ARB2A: variants seen among roughly 807,000 people sequenced by gnomAD.
ARB2A encodes ARB2 cotranscriptional regulator A, also known as cotranscriptional regulator ARB2A.
chr5:93,941,868 T>G, the ARB2A span, among the ~76,000 whole-genome samples: 1 of 152,126 alleles, frequency 6.6e-6, no homozygotes, highest in Non-Finnish European at 1.5e-5. Context: ...AATATCAAAG[T>G]GCTCTATACT....
the ARB2A span, among the ~76,000 whole-genome samples, chr5:94,022,069 AAAT>A: frequency 6.6e-6 from 1 of 152,142 alleles, no homozygotes; most frequent in Non-Finnish European, 1.5e-5. Context: ...ACTCTGTCGC[AAAT>A]AATAATAACA....
At chr5:93,961,911 C>A in the ARB2A span, among the ~76,000 whole-genome samples, 1 of 152,082 alleles carries the variant, frequency 6.6e-6, no homozygotes. Context: ...AGTATTTTAG[C>A]TGGTCATTGG....
At chr5:93,769,986 ATAAAG>A in the ARB2A span, among the ~76,000 whole-genome samples, 1 of 152,220 alleles carries the variant, frequency 6.6e-6, no homozygotes, top group Admixed American at 6.5e-5. Context: ...ATCAAGTATG[ATAAAG>A]TAATTTAATA....
the ARB2A span, among the ~76,000 whole-genome samples, chr5:94,099,642 A>C: frequency 4.0e-5 from 6 of 150,656 alleles, no homozygotes; most frequent in African/African-American, 9.8e-5. Context: ...AAAAAAAAAA[A>C]AAAAAAAAAC....
chr5:93,873,875 C>A, the ARB2A span, among the ~76,000 whole-genome samples: 121,488 of 152,088 alleles, frequency 0.8, 49,117 homozygotes, highest in East Asian at 0.95. Flanking sequence ...AGAAACTGAA[C>A]ATGCTCAGCT....
the ARB2A span, among the ~76,000 whole-genome samples, chr5:94,015,876 A>C: frequency 2.0e-5 from 3 of 152,206 alleles, no homozygotes; most frequent in African/African-American, 7.2e-5. Context: ...TAAGTAAAGA[A>C]AAAAGCAAGA....
At chr5:94,002,083 A>T in the ARB2A span, among the ~76,000 whole-genome samples, 14 of 151,940 alleles carry the variant, frequency 9.2e-5, no homozygotes, top group African/African-American at 3.4e-4. Context: ...GCTGGAGTTG[A>T]GTATTTCCCT....
chr5:93,846,206 A>G, the ARB2A span, among the ~76,000 whole-genome samples: 1 of 152,276 alleles, frequency 6.6e-6, no homozygotes, highest in South Asian at 2.1e-4. Flanking sequence ...AAGAGTTGCT[A>G]TCTAAAGGGA....
the ARB2A span, among the ~76,000 whole-genome samples, chr5:94,089,594 T>TACACACACACAC: frequency 0.01 from 1,398 of 135,632 alleles, 11 homozygotes; most frequent in Admixed American, 0.02. Flanking sequence ...AAACCGTTTA[T>TACACACACACAC]ACACACACAC....
chr5:93,801,539 A>T, the ARB2A span, among the ~76,000 whole-genome samples: 7 of 152,254 alleles, frequency 4.6e-5, 1 homozygote, highest in African/African-American at 1.7e-4. Flanking sequence ...CTAAATTATT[A>T]AAAATATATG....
chr5:93,716,573 C>A, the ARB2A span, among the ~76,000 whole-genome samples: 1 of 150,850 alleles, frequency 6.6e-6, no homozygotes, highest in Non-Finnish European at 1.5e-5. Context: ...CTGGAAAAGT[C>A]AAATCTTGCT....
At chr5:93,913,474 AC>A in the ARB2A span, among the ~76,000 whole-genome samples, 5 of 151,972 alleles carry the variant, frequency 3.3e-5, no homozygotes, top group African/African-American at 1.2e-4. Flanking sequence ...CTCCTCGGAT[AC>A]TAGAGCCAAT....
At chr5:93,746,885 TAGTC>T in the ARB2A span, among the ~76,000 whole-genome samples, 1 of 152,208 alleles carries the variant, frequency 6.6e-6, no homozygotes, top group Non-Finnish European at 1.5e-5. Flanking sequence ...TATTCATAGA[TAGTC>T]AGAGATAGAC....
the ARB2A span, among the ~76,000 whole-genome samples, chr5:93,935,410 G>A: frequency 1.3e-5 from 2 of 152,152 alleles, no homozygotes; most frequent in Non-Finnish European, 2.9e-5. Context: ...AATAATGATG[G>A]TAAATGTAGT....
At chr5:93,989,150 T>A in the ARB2A span, among the ~76,000 whole-genome samples, 1 of 152,184 alleles carries the variant, frequency 6.6e-6, no homozygotes. Flanking sequence ...CTTGGCTGAC[T>A]GATGAAGTCG....
the ARB2A span, chr5:93,740,952 C>T: frequency 2.5e-6 from 4 of 1,613,982 alleles, no homozygotes; most frequent in South Asian, 4.4e-5. Flanking sequence ...GTTGCAGGAT[C>T]ATCTCCATTT....
chr5:93,671,309 A>G, the ARB2A span, among the ~76,000 whole-genome samples: 2,395 of 152,274 alleles, frequency 0.016, 90 homozygotes, highest in Admixed American at 0.063. Flanking sequence ...ACAGAATATA[A>G]AGAAGCACAG....
chr5:94,094,726 G>A, the ARB2A span, among the ~76,000 whole-genome samples: 1 of 152,124 alleles, frequency 6.6e-6, no homozygotes, highest in Non-Finnish European at 1.5e-5. Context: ...TGCACCTAGA[G>A]AGACAGACAG....
chr5:93,789,989 C>A, the ARB2A span, among the ~76,000 whole-genome samples: 1 of 152,200 alleles, frequency 6.6e-6, no homozygotes, highest in South Asian at 2.1e-4. Context: ...GCAGTTCACA[C>A]CTCTAATCTG....
Sources: allele counts gnomAD v4.1 joint callset (sites outside exome capture counted in the v4.1 genomes callset), GRCh38; gene constraint gnomAD v4.1.1; transcripts MANE v1.5; gene names NCBI Gene and HGNC (gene_info 2026-07-23, HGNC 2026-07-21).